Variants in SCHIP1 observed in about 807,000 individuals in gnomAD.
The protein encoded by SCHIP1 is schwannomin interacting protein 1.
Under a neutral mutation model 29.7 loss-of-function variants are expected in SCHIP1, and 8 were observed. The observed-to-expected ratio is 0.27, with a 90% confidence interval of 0.16 to 0.49. SCHIP1 has a LOEUF of 0.49. SCHIP1 is among the 20% of genes least tolerant of loss of function. The probability of loss-of-function intolerance (pLI) is 0.99; values close to 1 mark genes in which losing one functional copy is unlikely to be tolerated. For synonymous variants in SCHIP1, 76 were observed against 94.9 expected (o/e 0.80, Z 1.16); for missense variants, 193 against 294.6 (o/e 0.66, Z 2.52).
At chr3:159,661,980 C>A in the SCHIP1 span, among the ~76,000 whole-genome samples, 1 of 152,152 alleles carries the variant, frequency 6.6e-6, no homozygotes, top group East Asian at 1.9e-4. Context: ...ATCTTTTCCA[C>A]CAGTTTTAAG....
chr3:159,569,529 G>A, the SCHIP1 span, among the ~76,000 whole-genome samples: 1 of 152,102 alleles, frequency 6.6e-6, no homozygotes, highest in African/African-American at 2.4e-5. Context: ...AGTGTTCCAT[G>A]GTGTATTATG....
At chr3:159,594,779 T>C in the SCHIP1 span, among the ~76,000 whole-genome samples, 2 of 152,180 alleles carry the variant, frequency 1.3e-5, no homozygotes, top group African/African-American at 4.8e-5. Flanking sequence ...TTACCCCAAA[T>C]ACACAAATTG....
the SCHIP1 span, among the ~76,000 whole-genome samples, chr3:159,304,391 T>C: frequency 6.6e-6 from 1 of 152,170 alleles, no homozygotes; most frequent in Non-Finnish European, 1.5e-5. Context: ...CCGTGTTGGG[T>C]ATCTATCCTG....
At chr3:159,488,645 GC>G in the SCHIP1 span, among the ~76,000 whole-genome samples, 1 of 152,098 alleles carries the variant, frequency 6.6e-6, no homozygotes, top group Non-Finnish European at 1.5e-5. Flanking sequence ...GGGAGAAATT[GC>G]ACAGAAAGAA....
At chr3:159,798,164 A>G in the SCHIP1 span, among the ~76,000 whole-genome samples, 1 of 152,206 alleles carries the variant, frequency 6.6e-6, no homozygotes, top group Non-Finnish European at 1.5e-5. Flanking sequence ...TAAATTTTAT[A>G]TAACAATTAG....
At chr3:159,718,058 A>G in the SCHIP1 span, among the ~76,000 whole-genome samples, 1 of 152,236 alleles carries the variant, frequency 6.6e-6, no homozygotes, top group East Asian at 1.9e-4. Flanking sequence ...CATCCCTGGG[A>G]TGCAAGGCTG....
chr3:159,730,658 A>C, the SCHIP1 span, among the ~76,000 whole-genome samples: 1 of 152,144 alleles, frequency 6.6e-6, no homozygotes, highest in African/African-American at 2.4e-5. Context: ...TATTCCTTTG[A>C]CCTCTTCCCT....
At chr3:159,570,904 G>A in the SCHIP1 span, among the ~76,000 whole-genome samples, 1 of 152,130 alleles carries the variant, frequency 6.6e-6, no homozygotes, top group African/African-American at 2.4e-5. Flanking sequence ...TCTCTTTGAA[G>A]CAATTGTGAA....
the SCHIP1 span, among the ~76,000 whole-genome samples, chr3:159,307,857 G>A: frequency 2.0e-5 from 3 of 152,056 alleles, no homozygotes; most frequent in South Asian, 6.2e-4. Context: ...TGTTTTTGTT[G>A]GCCTTGTTGA....
At chr3:159,556,280 G>A in the SCHIP1 span, among the ~76,000 whole-genome samples, 1 of 152,134 alleles carries the variant, frequency 6.6e-6, no homozygotes, top group South Asian at 2.1e-4. Context: ...AGGTGCTGGA[G>A]AGGATGTGGA....
the SCHIP1 span, chr3:159,398,909 A>G: frequency 1.8e-5 from 17 of 958,030 alleles, no homozygotes; most frequent in Non-Finnish European, 2.1e-5. Flanking sequence ...AGACAGTCAG[A>G]TATACTATAC....
the SCHIP1 span, among the ~76,000 whole-genome samples, chr3:159,365,467 A>G: frequency 7.2e-5 from 11 of 152,152 alleles, no homozygotes; most frequent in Non-Finnish European, 1.0e-4. Flanking sequence ...TTCTCATACT[A>G]TATATATAAA....
chr3:159,423,560 C>G, the SCHIP1 span, among the ~76,000 whole-genome samples: 2 of 152,226 alleles, frequency 1.3e-5, no homozygotes, highest in Admixed American at 1.3e-4. Context: ...CTGGGAAGCT[C>G]AAACTGGGTG....
At chr3:159,752,544 G>T in the SCHIP1 span, among the ~76,000 whole-genome samples, 17 of 152,248 alleles carry the variant, frequency 1.1e-4, no homozygotes, top group African/African-American at 3.9e-4. Flanking sequence ...CTGCTTCTGG[G>T]GAGGCTTCAG....
the SCHIP1 span, among the ~76,000 whole-genome samples, chr3:159,363,498 G>A: frequency 2.0e-5 from 3 of 152,078 alleles, no homozygotes; most frequent in Non-Finnish European, 4.4e-5. Flanking sequence ...ATAAAATATT[G>A]AATAAATATG....
chr3:159,779,012 T>C, the SCHIP1 span, among the ~76,000 whole-genome samples: 2 of 152,220 alleles, frequency 1.3e-5, no homozygotes, highest in African/African-American at 4.8e-5. Flanking sequence ...TTTTTATTGT[T>C]TTAAAGTAGG....
At chr3:159,708,949 C>T in the SCHIP1 span, among the ~76,000 whole-genome samples, 1,316 of 152,256 alleles carry the variant, frequency 8.6e-3, 23 homozygotes, top group African/African-American at 0.03. Context: ...CCATTTTCTG[C>T]GAGTTCCTTC....
the SCHIP1 span, among the ~76,000 whole-genome samples, chr3:159,471,021 G>T: frequency 6.6e-6 from 1 of 152,032 alleles, no homozygotes; most frequent in African/African-American, 2.4e-5. Context: ...GAGCATAAGA[G>T]AATATTTTGG....
chr3:159,296,754 C>T, the SCHIP1 span, among the ~76,000 whole-genome samples: 1 of 151,228 alleles, frequency 6.6e-6, no homozygotes, highest in Non-Finnish European at 1.5e-5. Flanking sequence ...GCCTGGGCAA[C>T]AAGAGTGAAA....
Sources: allele counts gnomAD v4.1 joint callset (sites outside exome capture counted in the v4.1 genomes callset), GRCh38; gene constraint gnomAD v4.1.1; transcripts MANE v1.5; gene names NCBI Gene and HGNC (gene_info 2026-07-23, HGNC 2026-07-21).